The following ADAMTSL5 variants were observed in gnomAD, a reference collection of about 807,000 sequenced individuals.
ADAMTSL5 encodes ADAMTS-like protein 5.
ADAMTSL5 carries 53 observed loss-of-function variants against 51.7 expected under a neutral mutation model. The ratio of observed to expected loss-of-function variants is 1.03; its 90% CI spans 0.82 to 1.29. ADAMTSL5 has a LOEUF of 1.29. Ranked by LOEUF, ADAMTSL5 falls within the 50% of genes most tolerant of loss-of-function variation. ADAMTSL5 has a pLI of 0.00. For synonymous variants in ADAMTSL5, 285 were observed against 278.7 expected (o/e 1.02, Z -0.23); for missense variants, 770 against 676.2 (o/e 1.14, Z -1.54).
chr19:1,506,146 C>G lies in ADAMTSL5; in HGVS notation c.1285G>C (p.Ala429Pro), dbSNP rs764354466. The change falls in exon 12 of 12, where the codon GCT becomes CCT. Residue 429 changes from alanine to proline, a missense_variant. Ala to Pro is a conservative substitution (Grantham distance 27). Transcript: ENST00000330475. This position sits in a 1 kb window ranked among gnomAD's most constrained non-coding sequence, Gnocchi z 5.6. ...MLAPHRDYLM[A>P]VQRLVSPDGT... ...TCGGGGCTGACAAGACGCTGGACAG[C>G]CATCAGGTAGTCCCGGTGGGGTGCC... is the stretch of plus-strand genomic sequence containing the variant. 11 of 1,608,606 alleles carry G rather than the reference C, an allele frequency of 6.8e-6. No individual in the cohort carries two copies. The highest frequency in any genetic ancestry group is 9.3e-6 in the Non-Finnish European group (11 of 1,177,836).
chr19:1,505,838 T>C lies in ADAMTSL5; in HGVS notation c.*177A>G. The C allele has an allele frequency of 1.3e-6, 1 of 742,840 alleles. No homozygotes were observed. The highest frequency in any genetic ancestry group is 2.0e-6 in the Non-Finnish European group (1 of 500,934). The allele number at this position is 742,840 out of a possible 1,614,324, so 46.0% of individuals were successfully genotyped here. The stretch of plus-strand genomic sequence containing the variant: ...ACCAGTGCCTGCCGGCTTGTGACAG[T>C]GGCTTTGACTGCATGCAGAGGTGTC... On this transcript the variant is annotated 3_prime_UTR_variant, in exon 12 of 12. Transcript: ENST00000330475.
intron 6 of ADAMTSL5, 36 bp downstream of exon 6, chr19:1,508,407 T>TGGGCGGGGCTC (rs1362641066): frequency 8.4e-6 from 5 of 594,594 alleles, no homozygotes; most frequent in African/African-American, 5.8e-5. Flanking sequence ...GAGTGGGAGG[T>TGGGCGGGGCTC]GGGCGGGGCT....
chr19:1,506,758 C>A lies in ADAMTSL5; in HGVS notation c.1023G>T (p.Gln341His). ...PPAAPAVTPA[Q>H]TPTLAPDPCP... is the part of the protein sequence containing the mutation. The stretch of plus-strand genomic sequence containing the variant: ...CCTCACCTGGGGCCAGCGTTGGGGT[C>A]TGTGCAGGGGTGACAGCAGGGGCTG... Residue 341 changes from glutamine to histidine, a missense_variant, in exon 10 of 12, where the codon CAG becomes CAT. By Grantham distance (24) the Gln-to-His change is conservative. Coordinates refer to ENST00000330475, the MANE Select transcript of ADAMTSL5 (RefSeq NM_213604.3). This position sits in a 1 kb window ranked among gnomAD's most constrained non-coding sequence, Gnocchi z 5.6. The A allele has an allele frequency of 6.4e-7, 1 of 1,555,858 alleles. No homozygotes were observed. Among genetic ancestry groups the A allele is most frequent in the Non-Finnish European group, 8.7e-7 (1 of 1,149,836 alleles).
Position 1,506,306 on chromosome 19 carries a change from G to T in ADAMTSL5, c.1125C>A (p.Ala375=). 6.5e-7 allele frequency: 1 copy of T among 1,547,380 alleles called. No individual in the cohort carries two copies. The highest frequency in any genetic ancestry group is 8.7e-7 in the Non-Finnish European group (1 of 1,144,464). ...HYCGSDFVFQ[A]RVLGHHHQAQ... is the part of the protein sequence containing the mutation. ...CCTGGTGGTGGTGGCCCAGCACTCGGGCCTGGAACACTGTTGAGGGGACGT... is the reference window on the plus strand; with the variant it reads ...CCTGGTGGTGGTGGCCCAGCACTCGTGCCTGGAACACTGTTGAGGGGACGT... Residue 375 remains alanine, a synonymous_variant, in exon 12 of 12, where the codon GCC becomes GCA. Coordinates refer to ENST00000330475, the MANE Select transcript of ADAMTSL5 (RefSeq NM_213604.3). The surrounding 1 kb of genome is among the most constrained non-coding windows in gnomAD (Gnocchi z 5.6).
chr19:1,512,522 A>G (rs1183551912), intron 1 of ADAMTSL5, among the ~76,000 whole-genome samples: 1 of 152,148 alleles, frequency 6.6e-6, no homozygotes, highest in Non-Finnish European at 1.5e-5. Flanking sequence ...CTGTACTAAA[A>G]CACAAAAATT....
chr19:1,506,581 G>A lies in ADAMTSL5; in HGVS notation c.1114+9C>T, dbSNP rs764843950. ...GGGGCTAAGTCAGGGTAGAGGTCGG[G>A]GGTCTCACCAAAGTCACTGCCGCAA... On this transcript the variant is annotated intron_variant, in intron 11 of 11. Coordinates refer to ENST00000330475, the MANE Select transcript of ADAMTSL5 (RefSeq NM_213604.3). This position sits in a 1 kb window ranked among gnomAD's most constrained non-coding sequence, Gnocchi z 5.6. 1.9e-6 allele frequency: 3 copies of A among 1,610,364 alleles called. No homozygotes were observed. The East Asian group carries it at 6.7e-5, about 36-fold the overall frequency.
chr19:1,511,848 G>C (rs1913279082), intron 1 of ADAMTSL5: 1 of 322,422 alleles, frequency 3.1e-6, no homozygotes, highest in Non-Finnish European at 6.3e-6. Flanking sequence ...CCCCGGATTG[G>C]GGATGGGACA....
At chr19:1,510,295 A>C in intron 4 of ADAMTSL5, 37 bp from the exon 5 acceptor site, 1 of 1,612,898 alleles carries the variant, frequency 6.2e-7, no homozygotes, top group Non-Finnish European at 8.5e-7. Context: ...GGCTGGGACA[A>C]CCCCAAGGGG....
chr19:1,508,437 C>G lies in ADAMTSL5; in HGVS notation c.489+6G>C. On this transcript the variant is annotated splice_donor_region_variant and intron_variant, in intron 6 of 11. Transcript: ENST00000330475. ...GGGGCTCGGGCGGGGCCTGACGAGT[C>G]CTTACAAGGCAGCGGCCAGCCACGC... The G allele has an allele frequency of 6.5e-7, 1 of 1,543,404 alleles. No homozygotes were observed. Among genetic ancestry groups the G allele is most frequent in the Non-Finnish European group, 8.7e-7 (1 of 1,150,390 alleles).
At chr19:1,511,647 G>T in intron 1 of ADAMTSL5, 1 of 1,151,036 alleles carries the variant, frequency 8.7e-7, no homozygotes, top group Non-Finnish European at 1.2e-6. Context: ...CCTGAGGCCA[G>T]CCACTCCACT....
chr19:1,507,860 T>G, intron 7 of ADAMTSL5, 138 bp downstream of exon 7: 1 of 1,057,746 alleles, frequency 9.5e-7, no homozygotes, highest in South Asian at 1.5e-5. Flanking sequence ...GGACAATCTG[T>G]CAGTAGCCAA....
chr19:1,511,753 C>A, intron 1 of ADAMTSL5: 1 of 439,018 alleles, frequency 2.3e-6, no homozygotes, highest in Non-Finnish European at 4.4e-6. Context: ...CCGGCAGGGG[C>A]TGGATCAGGA....
chr19:1,512,542 T>C (rs929857355), intron 1 of ADAMTSL5, among the ~76,000 whole-genome samples: 1 of 152,136 alleles, frequency 6.6e-6, no homozygotes, highest in African/African-American at 2.4e-5. Flanking sequence ...TAGCCCGGTG[T>C]GGTGGTGCAC....
intron 5 of ADAMTSL5, chr19:1,508,856 C>T (rs562499929): frequency 1.6e-4 from 51 of 327,648 alleles, no homozygotes; most frequent in African/African-American, 1.0e-3. Flanking sequence ...AACACCATTA[C>T]TCATTCTTCA....
chr19:1,508,189 G>C, intron 6 of ADAMTSL5, 80 bp from the exon 7 acceptor site: 1 of 1,447,698 alleles, frequency 6.9e-7, no homozygotes, highest in Non-Finnish European at 9.5e-7. Context: ...CTGGGAGCAA[G>C]AGGACGAGGC....
Position 1,506,620 on chromosome 19 carries a change from G to C in ADAMTSL5, c.1084C>G (p.Arg362Gly). ...TCACTGCCGCAATAGTGGAGTAGTCGGTGGGCGCGGCCGCGGGTGTCAGGG... is the reference window on the plus strand; with the variant it reads ...TCACTGCCGCAATAGTGGAGTAGTCCGTGGGCGCGGCCGCGGGTGTCAGGG... Reference protein sequence around the residue: ...PCPDTRGRAHRLLHYCGSDFV... With the variant: ...PCPDTRGRAHGLLHYCGSDFV... Residue 362 changes from arginine to glycine, a missense_variant, in exon 11 of 12, where the codon CGA becomes GGA. Transcript: ENST00000330475. This position sits in a 1 kb window ranked among gnomAD's most constrained non-coding sequence, Gnocchi z 5.6. The C allele has an allele frequency of 6.2e-7, 1 of 1,612,170 alleles. No individual in the cohort carries two copies. The highest frequency in any genetic ancestry group is 8.5e-7 in the Non-Finnish European group (1 of 1,179,506).
At position 1,506,749 on chromosome 19, in the gene ADAMTSL5, C is replaced by A. The variant is rs767406922; in HGVS notation, c.1032G>T (p.Thr344=). 6.4e-7 allele frequency: 1 copy of A among 1,555,104 alleles called. No individual in the cohort carries two copies. The highest frequency in any genetic ancestry group is 1.9e-4 in the Middle Eastern group (1 of 5,300). The change falls in exon 10 of 12, where the codon ACG becomes ACT. Residue 344 remains threonine, a synonymous_variant. Coordinates refer to ENST00000330475, the MANE Select transcript of ADAMTSL5 (RefSeq NM_213604.3). This position sits in a 1 kb window ranked among gnomAD's most constrained non-coding sequence, Gnocchi z 5.6. The stretch of plus-strand genomic sequence containing the variant: ...CTGTCCCCACCTCACCTGGGGCCAG[C>A]GTTGGGGTCTGTGCAGGGGTGACAG... ...APAVTPAQTP[T]LAPDPCPPCP... is the part of the protein sequence containing the mutation.
chr19:1,507,570 G>A lies in ADAMTSL5; in HGVS notation c.675C>T (p.Ser225=), dbSNP rs138598031. The change falls in exon 8 of 12, where the codon AGC becomes AGT. Residue 225 remains serine (S), a synonymous_variant. Transcript: ENST00000330475. ...GARHIRVEHR[S]RNHLALMGGD... ...ATCCTAGGATACCCAGGTGGTTGCG[G>A]CTCCTGTGTTCCACGCGGATGTGTC... The A allele has an allele frequency of 4.0e-5, 65 of 1,613,492 alleles. No individual in the cohort carries two copies. The African/African-American group carries it at 6.0e-4, about 15-fold the overall frequency.
chr19:1,511,569 G>A, intron 1 of ADAMTSL5: 1 of 1,239,836 alleles, frequency 8.1e-7, no homozygotes, highest in East Asian at 5.7e-5. Flanking sequence ...ATAGTACACA[G>A]GTGCCTCCTA....
Sources: allele counts gnomAD v4.1 joint callset (sites outside exome capture counted in the v4.1 genomes callset), GRCh38; gene constraint gnomAD v4.1.1; non-coding constraint Gnocchi (gnomAD v3.1); transcripts MANE v1.5; gene names NCBI Gene and HGNC (gene_info 2026-07-23, HGNC 2026-07-21).